Variants in ADAMTSL1 observed in about 807,000 individuals in gnomAD.
ADAMTSL1 encodes the protein ADAMTS-like protein 1.
ADAMTSL1 carries 126 observed loss-of-function variants against 201.8 expected under a neutral mutation model. The ratio of observed to expected loss-of-function variants is 0.62; its 90% CI spans 0.54 to 0.72. ADAMTSL1 has a LOEUF of 0.72. ADAMTSL1 is among the 30% of genes least tolerant of loss of function. The probability of loss-of-function intolerance (pLI) is 0.00; values close to 1 mark genes in which losing one functional copy is unlikely to be tolerated. For synonymous variants in ADAMTSL1, 1,121 were observed against 903.4 expected (o/e 1.24, Z -4.32); for missense variants, 2,679 against 2,277.8 (o/e 1.18, Z -3.59).
intron 1 of ADAMTSL1, among the ~76,000 whole-genome samples, chr9:18,088,428 G>A (rs975084590): frequency 6.6e-6 from 1 of 152,072 alleles, no homozygotes; most frequent in African/African-American, 2.4e-5. Flanking sequence ...CTTTTAGACA[G>A]CAAAGGAAAC....
At chr9:18,749,639 G>A (rs1480568799) in intron 15 of ADAMTSL1, among the ~76,000 whole-genome samples, 1 of 152,162 alleles carries the variant, frequency 6.6e-6, no homozygotes, top group Non-Finnish European at 1.5e-5. Context: ...CAAAGGCACA[G>A]AACGCACGGA....
intron 9 of ADAMTSL1, among the ~76,000 whole-genome samples, chr9:18,667,857 A>C (rs946614884): frequency 1.3e-5 from 2 of 152,214 alleles, no homozygotes; most frequent in Admixed American, 6.5e-5. Flanking sequence ...AGTCCTAGGA[A>C]AATATGATCT....
chr9:18,184,813 T>C (rs892839625), intron 2 of ADAMTSL1, among the ~76,000 whole-genome samples: 5 of 152,218 alleles, frequency 3.3e-5, no homozygotes, highest in Non-Finnish European at 7.3e-5. Flanking sequence ...AAATCACGTA[T>C]TAAATACCTG....
intron 25 of ADAMTSL1, 58 bp downstream of exon 25, chr9:18,889,806 A>C: frequency 7.2e-7 from 1 of 1,395,522 alleles, no homozygotes; most frequent in Non-Finnish European, 9.3e-7. Context: ...CCTCCCTGTT[A>C]GCGAAGTCAG....
At chr9:18,323,684 C>T (rs890933016) in intron 2 of ADAMTSL1, among the ~76,000 whole-genome samples, 1 of 152,104 alleles carries the variant, frequency 6.6e-6, no homozygotes, top group African/African-American at 2.4e-5. Context: ...AGTTGTATTT[C>T]TGTATACTAT....
intron 1 of ADAMTSL1, among the ~76,000 whole-genome samples, chr9:18,086,987 C>T (rs1823796379): frequency 6.6e-6 from 1 of 152,148 alleles, no homozygotes; most frequent in African/African-American, 2.4e-5. Context: ...TATTATATAA[C>T]TCTGTAATCA....
chr9:18,844,300 C>T (rs182427102), intron 23 of ADAMTSL1, among the ~76,000 whole-genome samples: 5,920 of 152,318 alleles, frequency 0.039, 154 homozygotes, highest in South Asian at 0.092. Flanking sequence ...TAGAGGTCCA[C>T]TCCAGACCCT....
At position 18,908,616 on chromosome 9, in the gene ADAMTSL1, C is replaced by A; in HGVS notation, c.*68C>A. 1 of 1,239,236 alleles carries A rather than the reference C, an allele frequency of 8.1e-7. No homozygotes were observed. 76.8% of individuals were successfully genotyped at this position (1,239,236 alleles called of 1,614,324 possible). A position where few individuals can be genotyped will look rare whatever the true frequency, so the allele number is the denominator to read the frequency against. ...ACTCACGCAACCACCTCGGACAGAA[C>A]CTAAGCTTTCTTCATTTTATTTATT... On this transcript the variant is annotated 3_prime_UTR_variant, in exon 29 of 29. Transcript: ENST00000380548.
chr9:18,004,811 G>T (rs1286323855), intron 1 of ADAMTSL1, among the ~76,000 whole-genome samples: 3 of 152,008 alleles, frequency 2.0e-5, no homozygotes, highest in Non-Finnish European at 4.4e-5. Flanking sequence ...AGACAGCAGA[G>T]CTCACAAAAG....
intron 1 of ADAMTSL1, among the ~76,000 whole-genome samples, chr9:18,497,965 T>A (rs996099982): frequency 1.3e-5 from 2 of 152,250 alleles, no homozygotes; most frequent in Non-Finnish European, 2.9e-5. Context: ...GTGATGAAGC[T>A]GTTTTAATTT....
chr9:18,136,120 C>G (rs1221223053), intron 1 of ADAMTSL1, among the ~76,000 whole-genome samples: 1 of 152,194 alleles, frequency 6.6e-6, no homozygotes, highest in Non-Finnish European at 1.5e-5. Context: ...GCAGTAAGAG[C>G]ATTTACAAGG....
chr9:18,020,716 T>C (rs1820446380), intron 1 of ADAMTSL1, among the ~76,000 whole-genome samples: 1 of 151,978 alleles, frequency 6.6e-6, no homozygotes, highest in African/African-American at 2.4e-5. Context: ...TCAAACCATA[T>C]CACCCGGGTT....
intron 1 of ADAMTSL1, among the ~76,000 whole-genome samples, chr9:17,966,744 T>C (rs1364225217): frequency 6.6e-6 from 1 of 152,190 alleles, no homozygotes; most frequent in Admixed American, 6.5e-5. Flanking sequence ...CAAATGGTGA[T>C]AGTCTAATTC....
chr9:18,763,338 CTTT>C (rs1477126494), intron 16 of ADAMTSL1, among the ~76,000 whole-genome samples: 4 of 152,070 alleles, frequency 2.6e-5, no homozygotes, highest in Non-Finnish European at 5.9e-5. Context: ...TTTTGCCCAT[CTTT>C]TGATTATTAG....
At chr9:18,757,737 C>G (rs1819854989) in intron 16 of ADAMTSL1, among the ~76,000 whole-genome samples, 1 of 152,186 alleles carries the variant, frequency 6.6e-6, no homozygotes, top group Non-Finnish European at 1.5e-5. Flanking sequence ...GTTACCCACT[C>G]AGGTGCTTTC....
intron 15 of ADAMTSL1, among the ~76,000 whole-genome samples, chr9:18,736,865 AT>A (rs1003336928): frequency 6.6e-6 from 1 of 152,210 alleles, no homozygotes; most frequent in Non-Finnish European, 1.5e-5. Flanking sequence ...CATTTATGCC[AT>A]TTCCATAACT....
intron 2 of ADAMTSL1, among the ~76,000 whole-genome samples, chr9:18,294,853 A>C (rs1342529238): frequency 6.6e-6 from 1 of 152,202 alleles, no homozygotes; most frequent in Non-Finnish European, 1.5e-5. Context: ...ATAGGTCATA[A>C]GAGTCAGAGG....
chr9:18,514,423 G>A (rs1459120361), intron 2 of ADAMTSL1, among the ~76,000 whole-genome samples: 4 of 150,136 alleles, frequency 2.7e-5, no homozygotes, highest in African/African-American at 9.9e-5. Flanking sequence ...TCCGCCTCCG[G>A]GGTTCACGCC....
At chr9:18,718,472 A>T in intron 14 of ADAMTSL1, 1 of 589,848 alleles carries the variant, frequency 1.7e-6, no homozygotes, top group Non-Finnish European at 3.4e-6. Context: ...TTGTACATTC[A>T]AAGCAGACTT....
Sources: allele counts gnomAD v4.1 joint callset (sites outside exome capture counted in the v4.1 genomes callset), GRCh38; gene constraint gnomAD v4.1.1; transcripts MANE v1.5; gene names NCBI Gene and HGNC (gene_info 2026-07-23, HGNC 2026-07-21).